Variants in NOTCH2NLA observed in about 807,000 individuals in gnomAD.
The protein encoded by NOTCH2NLA is notch 2 N-terminal like A, also known as notch homolog 2 N-terminal-like protein A.
At position 146,228,836 on chromosome 1, in the gene NOTCH2NLA, T is replaced by A. The variant is rs1553820538; in HGVS notation, c.-172A>T. The A allele has an allele frequency of 6.6e-7, 1 of 1,515,804 alleles. No individual in the cohort carries two copies. Among genetic ancestry groups the A allele is most frequent in the Admixed American group, 2.2e-5 (1 of 45,868 alleles). The allele number at this position is 1,515,804 out of a possible 1,614,324, so 93.9% of individuals were successfully genotyped here. A position where few individuals can be genotyped will look rare whatever the true frequency, so the allele number is the denominator to read the frequency against. Reference sequence around the variant, plus strand: ...CCGCGGCCGCCTGGGCAGATCCACATGGGGAGGGGGTCCCGATAGAGGAGC... The same window carrying A: ...CCGCGGCCGCCTGGGCAGATCCACAAGGGGAGGGGGTCCCGATAGAGGAGC... On this transcript the variant is annotated 5_prime_UTR_variant, in exon 1 of 5. The change abolishes an upstream ATG in the 5' untranslated region. Transcript: ENST00000362074.
intron 3 of NOTCH2NLA, among the ~76,000 whole-genome samples, chr1:146,162,272 T>C (rs1301436984): frequency 6.8e-6 from 1 of 147,084 alleles, no homozygotes; most frequent in Admixed American, 7.0e-5. Flanking sequence ...TTTCCGGATG[T>C]ATGAAGAATA....
In NOTCH2NLA at chr1:146,186,511, C is replaced by T. The variant is rs371143254; in HGVS notation, c.38+2789G>A. Among the ~76,000 whole-genome samples the T allele has an allele frequency of 5.2e-4, 74 of 143,548 alleles. No individual in the cohort carries two copies. The East Asian group carries it at 5.4e-3, about 10-fold the overall frequency. The allele number at this position is 143,548 out of a possible 152,430, so 94.2% of individuals were successfully genotyped here. A position where few individuals can be genotyped will look rare whatever the true frequency, so the allele number is the denominator to read the frequency against. The stretch of plus-strand genomic sequence containing the variant: ...CTGGGATTACAGGTGCGTGCCACCA[C>T]GCCCAGCTAATTTTTTGCATTTTTA... On this transcript the variant is annotated intron_variant, in intron 2 of 4. Transcript: ENST00000362074.
chr1:146,210,618 C>T (rs1663778733), intron 1 of NOTCH2NLA, among the ~76,000 whole-genome samples: 1 of 103,274 alleles, frequency 9.7e-6, no homozygotes, highest in South Asian at 2.8e-4. Flanking sequence ...CACACACACA[C>T]ACACACGCAC....
rs1186141590 is a variant in NOTCH2NLA, at chr1:146,187,559, C to G, written c.38+1741G>C. Among the ~76,000 whole-genome samples, 2 of 135,546 alleles carry G rather than the reference C, an allele frequency of 1.5e-5. 1 individual carries two copies. Among genetic ancestry groups the G allele is most frequent in the Non-Finnish European group, 3.4e-5 (2 of 58,586 alleles). The allele number at this position is 135,546 out of a possible 152,430, so 88.9% of individuals were successfully genotyped here. On this transcript the variant is annotated intron_variant, in intron 2 of 4. Coordinates refer to ENST00000362074, the Ensembl canonical transcript of NOTCH2NLA. ...TTAGCACCTTTTAGTTTAAGAAACACATTGCTGAACAATAACTACACCAGG... is the reference window on the plus strand; with the variant it reads ...TTAGCACCTTTTAGTTTAAGAAACAGATTGCTGAACAATAACTACACCAGG...
At chr1:146,187,602 A>G (rs1662845808) in intron 2 of NOTCH2NLA, among the ~76,000 whole-genome samples, 1 of 136,154 alleles carries the variant, frequency 7.3e-6, no homozygotes, top group Non-Finnish European at 1.7e-5. Flanking sequence ...CTAGGCATTA[A>G]CTATGCAAAA....
intron 2 of NOTCH2NLA, among the ~76,000 whole-genome samples, chr1:146,187,701 G>A (rs1662850346): frequency 7.4e-6 from 1 of 135,636 alleles, no homozygotes; most frequent in African/African-American, 2.5e-5. Flanking sequence ...CACAAGAGTT[G>A]CATAACAGAA....
intron 1 of NOTCH2NLA, among the ~76,000 whole-genome samples, chr1:146,223,882 A>G (rs1283763254): frequency 9.3e-6 from 1 of 107,846 alleles, no homozygotes; most frequent in Middle Eastern, 3.7e-3. Flanking sequence ...AGCAGGAGTC[A>G]CAGATGCTGT....
intron 3 of NOTCH2NLA, among the ~76,000 whole-genome samples, chr1:146,162,392 G>A (rs1305356210): frequency 7.4e-5 from 11 of 149,618 alleles, no homozygotes; most frequent in African/African-American, 2.7e-4. Flanking sequence ...TAGATTTGTG[G>A]TGGTTAAAAC....
At chr1:146,186,069 T>C (rs1662744659) in intron 2 of NOTCH2NLA, among the ~76,000 whole-genome samples, 1 of 135,172 alleles carries the variant, frequency 7.4e-6, no homozygotes, top group Non-Finnish European at 1.7e-5. Flanking sequence ...GCTGCCTTGA[T>C]ATTGTTCTTG....
rs1473614743 is a variant in NOTCH2NLA at position 146,187,342 on chromosome 1, T to C, written c.38+1958A>G. Among the ~76,000 whole-genome samples, 3 of 132,888 alleles carry C rather than the reference T, an allele frequency of 2.3e-5. 1 individual carries two copies. The highest frequency in any genetic ancestry group is 5.2e-5 in the Non-Finnish European group (3 of 57,696). The allele number at this position is 132,888 out of a possible 152,430, so 87.2% of individuals were successfully genotyped here. A position where few individuals can be genotyped will look rare whatever the true frequency, so the allele number is the denominator to read the frequency against. ...TAAATAGTGCTGAAGTAAACACACA[T>C]GTGCATGTGTCCTTATAGTAGAATG... On this transcript the variant is annotated intron_variant, in intron 2 of 4. Coordinates refer to ENST00000362074, the Ensembl canonical transcript of NOTCH2NLA.
At chr1:146,174,737 A>T (rs1772512) in intron 2 of NOTCH2NLA, among the ~76,000 whole-genome samples, 1 of 136,106 alleles carries the variant, frequency 7.3e-6, no homozygotes, top group African/African-American at 2.5e-5. Flanking sequence ...CCCCCAATCC[A>T]CAGTGGCAGC....
chr1:146,187,034 C>T (rs1249806830), intron 2 of NOTCH2NLA, among the ~76,000 whole-genome samples: 3 of 129,304 alleles, frequency 2.3e-5, no homozygotes, highest in African/African-American at 7.7e-5. Context: ...CCCTTTCCCC[C>T]CACCCCCTGA....
chr1:146,159,256 G>T (rs1661330882), intron 3 of NOTCH2NLA, among the ~76,000 whole-genome samples: 3 of 150,952 alleles, frequency 2.0e-5, no homozygotes, highest in Non-Finnish European at 4.4e-5. Flanking sequence ...TACCTGGGAG[G>T]CTGAGGCACA....
intron 2 of NOTCH2NLA, among the ~76,000 whole-genome samples, chr1:146,171,013 T>C (rs868972721): frequency 6.0e-4 from 83 of 137,848 alleles, no homozygotes; most frequent in African/African-American, 1.8e-3. Context: ...ATTTTCTAAG[T>C]ACTTAACTAT....
At chr1:146,210,842 T>C (rs1553815983) in intron 1 of NOTCH2NLA, 1 of 284,346 alleles carries the variant, frequency 3.5e-6, no homozygotes, top group African/African-American at 3.2e-5. Context: ...ACCTCACGAG[T>C]AGCCCTTCTA....
chr1:146,185,521 C>G (rs1662715521), intron 2 of NOTCH2NLA, among the ~76,000 whole-genome samples: 1 of 136,456 alleles, frequency 7.3e-6, no homozygotes, highest in African/African-American at 2.5e-5. Context: ...TACTTAGGCT[C>G]CTAACACTGA....
At chr1:146,174,438 G>T (rs1553807674) in intron 2 of NOTCH2NLA, among the ~76,000 whole-genome samples, 1 of 127,148 alleles carries the variant, frequency 7.9e-6, no homozygotes, top group Non-Finnish European at 1.6e-5. Flanking sequence ...ACGAGGATTT[G>T]GCCATTCAAG....
In NOTCH2NLA at chr1:146,162,239, T is replaced by G. The variant is rs1453898858; in HGVS notation, c.298+2512A>C. On this transcript the variant is annotated intron_variant, in intron 3 of 4. Transcript: ENST00000362074. Reference sequence around the variant, plus strand: ...AAGTATCGTTAACTTTATGTAAGAGTGTTTCAGTTGGGGACTAGTGTGTTT... The same window carrying G: ...AAGTATCGTTAACTTTATGTAAGAGGGTTTCAGTTGGGGACTAGTGTGTTT... Among the ~76,000 whole-genome samples the G allele has an allele frequency of 2.1e-5, 3 of 144,350 alleles. No homozygotes were observed. The South Asian group carries it at 6.8e-4, about 33-fold the overall frequency. The allele number at this position is 144,350 out of a possible 152,430, so 94.7% of individuals were successfully genotyped here. A position where few individuals can be genotyped will look rare whatever the true frequency, so the allele number is the denominator to read the frequency against.
chr1:146,207,808 C>A (rs1264749081), intron 1 of NOTCH2NLA, among the ~76,000 whole-genome samples: 1 of 104,052 alleles, frequency 9.6e-6, no homozygotes, highest in African/African-American at 3.3e-5. Flanking sequence ...AGGCCCAATA[C>A]CACTTTCTTT....
Sources: allele counts gnomAD v4.1 joint callset (sites outside exome capture counted in the v4.1 genomes callset), GRCh38; gene constraint gnomAD v4.1.1; transcripts MANE v1.5; gene names NCBI Gene and HGNC (gene_info 2026-07-23, HGNC 2026-07-21).